The following LRMDA variants were observed in gnomAD, a reference collection of about 807,000 sequenced individuals.
LRMDA encodes the protein leucine rich melanocyte differentiation associated, also known as leucine-rich melanocyte differentiation-associated protein.
Under a neutral mutation model 29.8 loss-of-function variants are expected in LRMDA, and 18 were observed. That is an observed-to-expected ratio of 0.60 (90% CI 0.42 to 0.90). LRMDA has a LOEUF of 0.90. Among genes scored for constraint, LRMDA ranks in the 40% least tolerant of loss-of-function variants. The pLI is 0.00. For synonymous variants in LRMDA, 125 were observed against 109.4 expected (o/e 1.14, Z -0.89); for missense variants, 273 against 273.9 (o/e 1.00, Z 0.02).
chr10:75,537,310 T>C (rs1368273006), intron 2 of LRMDA, among the ~76,000 whole-genome samples: 1 of 152,198 alleles, frequency 6.6e-6, no homozygotes, highest in East Asian at 1.9e-4. Flanking sequence ...CCCCTGAGAA[T>C]ACTCCTAAGG....
intron 2 of LRMDA, among the ~76,000 whole-genome samples, chr10:75,581,710 C>A (rs1380957364): frequency 1.2e-5 from 1 of 85,960 alleles, no homozygotes; most frequent in African/African-American, 2.7e-5. Context: ...CATATGTTCT[C>A]AATTGTAAGT....
At chr10:76,432,830 C>T (rs949689805) in intron 6 of LRMDA, among the ~76,000 whole-genome samples, 10 of 152,132 alleles carry the variant, frequency 6.6e-5, no homozygotes, top group South Asian at 2.1e-4. Flanking sequence ...GTGGCTTCCA[C>T]GGGCCGAGGG....
At chr10:76,481,542 A>G (rs1589210170) in intron 6 of LRMDA, among the ~76,000 whole-genome samples, 1 of 151,932 alleles carries the variant, frequency 6.6e-6, no homozygotes, top group African/African-American at 2.4e-5. Context: ...ATCACTGCGC[A>G]TGTTTATCAG....
intron 5 of LRMDA, among the ~76,000 whole-genome samples, chr10:76,163,794 A>C (rs1168492922): frequency 6.6e-6 from 1 of 152,186 alleles, no homozygotes; most frequent in African/African-American, 2.4e-5. Flanking sequence ...CTTCCTTCCT[A>C]AGATGACCAC....
At chr10:76,333,389 T>G (rs1176656325) in intron 6 of LRMDA, among the ~76,000 whole-genome samples, 1 of 152,164 alleles carries the variant, frequency 6.6e-6, no homozygotes, top group African/African-American at 2.4e-5. Flanking sequence ...ATTGTTTCAG[T>G]CTTAGAAGCC....
At chr10:76,338,104 A>T (rs1213083508) in intron 6 of LRMDA, among the ~76,000 whole-genome samples, 2 of 152,098 alleles carry the variant, frequency 1.3e-5, no homozygotes, top group Non-Finnish European at 2.9e-5. Flanking sequence ...CAAATGAATA[A>T]CTAACTGGAA....
At chr10:75,903,465 A>G in intron 2 of LRMDA, among the ~76,000 whole-genome samples, 1 of 152,280 alleles carries the variant, frequency 6.6e-6, no homozygotes, top group African/African-American at 2.4e-5. Flanking sequence ...ATAAAAGCAA[A>G]TAAAATCACT....
At chr10:75,634,415 A>G (rs568354223) in intron 2 of LRMDA, among the ~76,000 whole-genome samples, 93 of 152,298 alleles carry the variant, frequency 6.1e-4, no homozygotes, top group African/African-American at 2.1e-3. Flanking sequence ...CCTCCCCCCA[A>G]AATCCTTATC....
chr10:75,615,214 A>G (rs111988986), intron 2 of LRMDA, among the ~76,000 whole-genome samples: 57 of 152,362 alleles, frequency 3.7e-4, no homozygotes, highest in African/African-American at 1.3e-3. Flanking sequence ...TGCTCAAGAT[A>G]CTAATGTCTT....
chr10:75,758,849 GT>G (rs1843062885), intron 2 of LRMDA, among the ~76,000 whole-genome samples: 1 of 152,014 alleles, frequency 6.6e-6, no homozygotes, highest in African/African-American at 2.4e-5. Context: ...GCATCCTCTG[GT>G]TATTATCTGG....
At chr10:75,624,620 A>G (rs78063874) in intron 2 of LRMDA, among the ~76,000 whole-genome samples, 2,985 of 152,258 alleles carry the variant, frequency 0.02, 86 homozygotes, top group African/African-American at 0.068. Context: ...ATAGAATAAT[A>G]TAAAGAGGGC....
intron 2 of LRMDA, among the ~76,000 whole-genome samples, chr10:75,869,138 A>C (rs1845067841): frequency 6.6e-6 from 1 of 152,158 alleles, no homozygotes; most frequent in Admixed American, 6.5e-5. Flanking sequence ...CATCTGTTAC[A>C]CTTCTAGAAC....
At chr10:75,786,058 G>A (rs1164639140) in intron 2 of LRMDA, among the ~76,000 whole-genome samples, 2 of 152,186 alleles carry the variant, frequency 1.3e-5, no homozygotes, top group Non-Finnish European at 2.9e-5. Flanking sequence ...GGGACACAAA[G>A]TGGACTCAAT....
rs183542416 is a variant in LRMDA, at chr10:75,576,014, A to G, written c.131+137520A>G. ...CAGTGGCGCCTGGAATGCCAGTGAGACAGAACCATTCACTCCCCTGAAAAG... is the reference window on the plus strand; with the variant it reads ...CAGTGGCGCCTGGAATGCCAGTGAGGCAGAACCATTCACTCCCCTGAAAAG... On this transcript the variant is annotated intron_variant, in intron 2 of 6. Coordinates refer to ENST00000611255, the MANE Select transcript of LRMDA (RefSeq NM_001305581.2). 3.8e-4 allele frequency among the ~76,000 whole-genome samples: 57 copies of G among 150,906 alleles called. 1 individual carries two copies. The highest frequency in any genetic ancestry group is 6.9e-4 in the Non-Finnish European group (47 of 67,808).
Position 76,302,017 on chromosome 10 carries a change from C to G in LRMDA, c.517-22384C>G, listed in dbSNP as rs141875128. 3.3e-5 allele frequency among the ~76,000 whole-genome samples: 5 copies of G among 152,254 alleles called. No individual in the cohort carries two copies. In the East Asian group the frequency reaches 9.7e-4, roughly 29 times the overall value. On this transcript the variant is annotated intron_variant, in intron 5 of 6. Transcript: ENST00000611255. ...GCCTCCCTAGGCTGGAGTAAAGTAT[C>G]TGCATATTTTTAGCCCCTCAGTTTT...
intron 2 of LRMDA, among the ~76,000 whole-genome samples, chr10:75,693,197 T>C (rs2132163315): frequency 6.6e-6 from 1 of 152,070 alleles, no homozygotes. Flanking sequence ...AAAGAGGGAG[T>C]TATTTCATCC....
intron 5 of LRMDA, among the ~76,000 whole-genome samples, chr10:76,069,166 C>T (rs1363813302): frequency 6.6e-6 from 1 of 152,174 alleles, no homozygotes; most frequent in Non-Finnish European, 1.5e-5. Flanking sequence ...CCATAGCTTC[C>T]TTCTGGGGCC....
chr10:75,718,853 T>C (rs1316097403), intron 2 of LRMDA, among the ~76,000 whole-genome samples: 1 of 152,220 alleles, frequency 6.6e-6, no homozygotes, highest in Non-Finnish European at 1.5e-5. Context: ...TTAACCGTCA[T>C]GTTAATGAGT....
intron 2 of LRMDA, among the ~76,000 whole-genome samples, chr10:75,470,271 C>G (rs1844709910): frequency 6.6e-6 from 1 of 152,154 alleles, no homozygotes; most frequent in Non-Finnish European, 1.5e-5. Flanking sequence ...CCGAGGCAGG[C>G]AGATCACTTG....
Sources: allele counts gnomAD v4.1 joint callset (sites outside exome capture counted in the v4.1 genomes callset), GRCh38; gene constraint gnomAD v4.1.1; transcripts MANE v1.5; gene names NCBI Gene and HGNC (gene_info 2026-07-23, HGNC 2026-07-21).